Variants in FCRL2 observed in about 807,000 individuals in gnomAD.
FCRL2 encodes Fc receptor-like protein 2.
FCRL2 carries 48 observed loss-of-function variants against 59.8 expected under a neutral mutation model. That is an observed-to-expected ratio of 0.80 (90% CI 0.64 to 1.02). FCRL2 has a LOEUF of 1.02. Among genes scored for constraint, FCRL2 ranks in the 50% least tolerant of loss-of-function variants. The pLI, the probability that FCRL2 is intolerant of heterozygous loss-of-function variation, is 0.00. For synonymous variants in FCRL2, 251 were observed against 229.5 expected, an observed-to-expected ratio of 1.09 and a Z score of -0.85; for missense variants, 658 against 597.3, an observed-to-expected ratio of 1.10 and a Z score of -1.06.
At position 157,766,876 on chromosome 1, in the gene FCRL2, C is replaced by T. The variant is rs770164116; in HGVS notation, c.1258G>A (p.Ala420Thr). 2.5e-5 allele frequency: 40 copies of T among 1,614,014 alleles called. No homozygotes were observed. The change falls in exon 7 of 12, where the codon GCC (alanine) becomes ACC (threonine). Residue 420 changes from alanine (A) to threonine (T), a missense_variant. Coordinates refer to ENST00000361516, the MANE Select transcript of FCRL2 (RefSeq NM_030764.4). ...GFTGVALLLY[A>T]LFHKISGESS... ...CAACCTGATATCTTGTGGAACAAGG[C>T]ATACAACAGCAAAGCAACACCAGTG...
intron 7 of FCRL2, among the ~76,000 whole-genome samples, chr1:157,755,133 G>A (rs957081238): frequency 1.3e-5 from 2 of 151,964 alleles, no homozygotes; most frequent in African/African-American, 2.4e-5. Context: ...AATATGAAAG[G>A]CAATGCAAAC....
At chr1:157,765,878 G>A (rs950210137) in intron 7 of FCRL2, among the ~76,000 whole-genome samples, 8 of 152,182 alleles carry the variant, frequency 5.3e-5, no homozygotes, top group South Asian at 2.1e-4. Context: ...ATGTATTGCA[G>A]CTTCATTATC....
chr1:157,766,671 T>C (rs1365627483), intron 7 of FCRL2, 184 bp downstream of exon 7: 2 of 834,464 alleles, frequency 2.4e-6, no homozygotes, highest in Non-Finnish European at 3.7e-6. Flanking sequence ...CAGTGACATA[T>C]TGTATAATTA....
At position 157,767,358 on chromosome 1, in the gene FCRL2, C is replaced by T. The variant is rs141660279; in HGVS notation, c.1035G>A (p.Ser345=). 93 of 1,614,152 alleles carry T rather than the reference C, an allele frequency of 5.8e-5. No homozygotes were observed. The African/African-American group carries it at 8.7e-4, about 15-fold the overall frequency. The change falls in exon 6 of 12, where the codon TCG becomes TCA. Residue 345 remains serine, a synonymous_variant. Transcript: ENST00000361516. The stretch of plus-strand genomic sequence containing the variant: ...AGGAGGCCCCTCCTCCAGAGGGGGC[C>T]GAGCTGTTCCCAAGGGTGACATCCT... The part of the protein sequence containing the change: ...YHEDVTLGNS[S]APSGGGASFN...
At chr1:157,763,884 G>T (rs1337708427) in intron 7 of FCRL2, among the ~76,000 whole-genome samples, 6 of 152,186 alleles carry the variant, frequency 3.9e-5, no homozygotes. Flanking sequence ...CAAAAAATTA[G>T]CCAGGCAGGG....
intron 2 of FCRL2, 89 bp from the exon 3 acceptor site, chr1:157,770,755 C>T: frequency 1.4e-6 from 2 of 1,399,646 alleles, no homozygotes; most frequent in South Asian, 1.4e-5. Flanking sequence ...CAGGCATAGC[C>T]TCTACTTCTT....
In FCRL2 at chr1:157,767,398, T is replaced by C. The variant is rs1230514821; in HGVS notation, c.995A>G (p.Tyr332Cys). 2.5e-6 allele frequency: 4 copies of C among 1,614,088 alleles called. No homozygotes were observed. The highest frequency in any genetic ancestry group is 2.2e-5 in the South Asian group (2 of 91,068). Residue 332 changes from tyrosine (Y) to cysteine (C), a missense_variant, in exon 6 of 12, where the codon TAC (tyrosine) becomes TGC (cysteine). Tyr to Cys is a radical substitution (Grantham distance 194). Coordinates refer to ENST00000361516, the MANE Select transcript of FCRL2 (RefSeq NM_030764.4). ...EALRGSPPIL[Y>C]QFYHEDVTLG... ...GGTGACATCCTCATGATAAAATTGG[T>C]ACAAGATTGGGGGAGAGCCTCTCAG...
rs1191130189 is a variant in FCRL2, at chr1:157,768,488, G to C, written c.809C>G (p.Ala270Gly). The change falls in exon 5 of 12, where the codon GCC becomes GGC. Residue 270 changes from alanine to glycine, a missense_variant. Transcript: ENST00000361516. The stretch of plus-strand genomic sequence containing the variant: ...GTCAGCTCTACAGTAATATTTGCCG[G>C]CATCACTCTCTTTCACAGCTGGGAT... ...LEIPAVKESD[A>G]GKYYCRADNG... 1 of 1,614,190 alleles carries C rather than the reference G, an allele frequency of 6.2e-7. No individual in the cohort carries two copies.
intron 7 of FCRL2, among the ~76,000 whole-genome samples, chr1:157,762,159 G>C (rs992996780): frequency 6.6e-6 from 1 of 152,168 alleles, no homozygotes; most frequent in African/African-American, 2.4e-5. Flanking sequence ...CACTCCTCCA[G>C]GGGACCTGAG....
In FCRL2 at chr1:157,764,332, T is replaced by C. The variant is rs563115558; in HGVS notation, c.1279+2523A>G. ...GCACCCAAAATCATAAAGTAAATAT[T>C]GCTTAAAGAAAAAATAGAGCTAGAC... On this transcript the variant is annotated intron_variant, in intron 7 of 11. Coordinates refer to ENST00000361516, the MANE Select transcript of FCRL2 (RefSeq NM_030764.4). Among the ~76,000 whole-genome samples the C allele has an allele frequency of 2.0e-5, 3 of 152,302 alleles. No homozygotes were observed. The South Asian group carries it at 6.2e-4, about 32-fold the overall frequency.
chr1:157,769,927 C>A lies in FCRL2; in HGVS notation c.534G>T (p.Lys178Asn). The A allele has an allele frequency of 6.2e-7, 1 of 1,614,188 alleles. No individual in the cohort carries two copies. ...WSEDTGSYWC[K>N]AETVTHRIRK... Reference sequence around the variant, plus strand: ...TGATCCTGTGAGTCACCGTTTCTGCCTTGCACCAGTAAGACCCTGTGTCTT... The same window carrying A: ...TGATCCTGTGAGTCACCGTTTCTGCATTGCACCAGTAAGACCCTGTGTCTT... Residue 178 changes from lysine to asparagine, a missense_variant, in exon 4 of 12, where the codon AAG (lysine) becomes AAT (asparagine). Physicochemically the swap from Lys to Asn is moderately conservative, Grantham distance 94 (BLOSUM62 0). Transcript: ENST00000361516.
chr1:157,776,959 G>T, intron 1 of FCRL2, 84 bp downstream of exon 1: 2 of 1,331,140 alleles, frequency 1.5e-6, no homozygotes, highest in Non-Finnish European at 2.2e-6. Context: ...CAGTCCCTGG[G>T]CTCCAATAAA....
intron 3 of FCRL2, 114 bp from the exon 4 acceptor site, chr1:157,770,264 C>T: frequency 2.1e-6 from 3 of 1,446,300 alleles, no homozygotes; most frequent in Non-Finnish European, 2.8e-6. Context: ...AGACACCTCT[C>T]ACCCATCATG....
rs1649757027 is a variant in FCRL2 at position 157,768,970 on chromosome 1, A to AT, written c.596-270dup. 5 of 354,716 alleles carry AT rather than the reference A, an allele frequency of 1.4e-5. No homozygotes were observed. The East Asian group carries it at 2.5e-4, about 18-fold the overall frequency. The allele number at this position is 354,716 out of a possible 1,614,324, so 22.0% of individuals were successfully genotyped here. ...TCTCCATGAGACAGGAAACTGTTCA[A>AT]TTTTTTGGATGAGTCAAAGACACCT... On this transcript the variant is annotated intron_variant, in intron 4 of 11. Transcript: ENST00000361516.
At chr1:157,766,235 G>A (rs1343643274) in intron 7 of FCRL2, among the ~76,000 whole-genome samples, 1 of 152,240 alleles carries the variant, frequency 6.6e-6, no homozygotes, top group Admixed American at 6.5e-5. Flanking sequence ...ACTTTGGGAG[G>A]CCAAGATGGG....
At chr1:157,755,839 C>T (rs747001232) in intron 7 of FCRL2, among the ~76,000 whole-genome samples, 25 of 152,178 alleles carry the variant, frequency 1.6e-4, no homozygotes, top group Non-Finnish European at 2.9e-4. Flanking sequence ...TAAAATATCT[C>T]TGGAAAAATA....
chr1:157,758,803 TACAAAGCTGATAA>T (rs1648801367), intron 7 of FCRL2, among the ~76,000 whole-genome samples: 1 of 151,928 alleles, frequency 6.6e-6, no homozygotes, highest in Non-Finnish European at 1.5e-5. Flanking sequence ...TCTGATCTTC[TACAAAGCTGATAA>T]ACACAAGCAA....
At chr1:157,775,660 G>A in intron 2 of FCRL2, 115 bp downstream of exon 2, 2 of 1,104,244 alleles carry the variant, frequency 1.8e-6, no homozygotes, top group Non-Finnish European at 2.7e-6. Flanking sequence ...AGCCTAGAGG[G>A]CAGTAATATT....
At chr1:157,764,337 A>G (rs1649339255) in intron 7 of FCRL2, among the ~76,000 whole-genome samples, 1 of 152,270 alleles carries the variant, frequency 6.6e-6, no homozygotes, top group South Asian at 2.1e-4. Flanking sequence ...AATATTGCTT[A>G]AAGAAAAAAT....
Sources: gnomAD v4.1 joint callset for allele counts (sites outside exome capture counted in the v4.1 genomes callset) on GRCh38, gnomAD v4.1.1 for gene constraint, MANE v1.5 for transcripts, NCBI Gene and HGNC (gene_info 2026-07-23, HGNC 2026-07-21) for gene names.